SLAIN2: variants seen among roughly 807,000 people sequenced by gnomAD.
SLAIN2 encodes the protein SLAIN family member 2.
In SLAIN2, 31 loss-of-function variants were observed where a neutral mutation model predicts 56.6. The observed-to-expected ratio is 0.55, with a 90% CI of 0.41 to 0.74. SLAIN2 has a LOEUF of 0.74. SLAIN2 is among the 30% of genes least tolerant of loss of function. The pLI is 0.00. For missense variants in SLAIN2, 777 were observed against 754.2 expected, an observed-to-expected ratio of 1.03 and a Z score of -0.35; for synonymous variants, 317 against 284.9, an observed-to-expected ratio of 1.11 and a Z score of -1.13.
chr4:48,364,612 G>A (rs1577715453), intron 1 of SLAIN2, among the ~76,000 whole-genome samples: 2 of 107,284 alleles, frequency 1.9e-5, no homozygotes, highest in East Asian at 2.4e-4. Context: ...ACGAGACTCC[G>A]TCTGCAATCC....
At position 48,382,893 on chromosome 4, in the gene SLAIN2, C is replaced by G; in HGVS notation, c.1188C>G (p.Pro396=). Residue 396 remains proline (P), a synonymous_variant, in exon 5 of 8, where the codon CCC becomes CCG. Coordinates refer to ENST00000264313, the MANE Select transcript of SLAIN2 (RefSeq NM_020846.2). ...CTCGCCTTTCACTTCAAGGCCATCC[C>G]ACAGATTTACAGACAAGCAATGTTA... is the stretch of plus-strand genomic sequence containing the variant. The part of the protein sequence containing the change: ...QQPRLSLQGH[P]TDLQTSNVKN... 1 of 1,612,006 alleles carries G rather than the reference C, an allele frequency of 6.2e-7. No homozygotes were observed. The highest frequency in any genetic ancestry group is 8.5e-7 in the Non-Finnish European group (1 of 1,178,732).
intron 1 of SLAIN2, among the ~76,000 whole-genome samples, chr4:48,354,269 C>T (rs1015587653): frequency 7.9e-5 from 12 of 152,084 alleles, no homozygotes; most frequent in Non-Finnish European, 1.3e-4. Flanking sequence ...CTCATTTTTA[C>T]ACTCTGTGCA....
chr4:48,420,389 C>T lies in SLAIN2; in HGVS notation c.1625C>T (p.Pro542Leu), dbSNP rs761858774. 8.7e-6 allele frequency: 14 copies of T among 1,613,892 alleles called. No individual in the cohort carries two copies. The highest frequency in any genetic ancestry group is 8.5e-7 in the Non-Finnish European group (1 of 1,179,878). ...MRSGLPRPSA[P>L]SAGGIPVPRS... ...AGTGGCTTGCCCAGACCCAGTGCCC[C>T]TTCTGCTGGGGGCATACCAGTGCCT... Residue 542 changes from proline (P) to leucine (L), a missense_variant, in exon 7 of 8, where the codon CCT becomes CTT. Coordinates refer to ENST00000264313, the MANE Select transcript of SLAIN2 (RefSeq NM_020846.2).
chr4:48,367,720 A>T (rs1297153937), intron 1 of SLAIN2, among the ~76,000 whole-genome samples: 1 of 152,178 alleles, frequency 6.6e-6, no homozygotes, highest in African/African-American at 2.4e-5. Context: ...TGAAGATGCC[A>T]AAGCACTTTG....
chr4:48,396,338 C>T (rs1716386811), intron 6 of SLAIN2, among the ~76,000 whole-genome samples: 1 of 152,046 alleles, frequency 6.6e-6, no homozygotes, highest in African/African-American at 2.4e-5. Context: ...TAAATTGATC[C>T]AGACTTCTAT....
chr4:48,409,622 G>A (rs762722581), intron 6 of SLAIN2, among the ~76,000 whole-genome samples: 5 of 152,096 alleles, frequency 3.3e-5, no homozygotes, highest in African/African-American at 7.2e-5. Flanking sequence ...GGTGGCTCAC[G>A]CCTGTAATCC....
In SLAIN2 at chr4:48,374,440, A is replaced by G. The variant is rs534116577; in HGVS notation, c.539-3456A>G. Among the ~76,000 whole-genome samples the G allele has an allele frequency of 2.4e-3, 367 of 152,126 alleles. 2 individuals carry two copies. The highest frequency in any genetic ancestry group is 3.7e-3 in the Non-Finnish European group (250 of 67,990). ...TTTTTACTAGAGACGAGGTTTCACG[A>G]TGTTGGCCAGGCTGGTTTTGAACTC... On this transcript the variant is annotated intron_variant, in intron 2 of 7. Transcript: ENST00000264313.
intron 1 of SLAIN2, among the ~76,000 whole-genome samples, chr4:48,352,905 G>A (rs367784878): frequency 8.5e-5 from 13 of 152,094 alleles, no homozygotes; most frequent in African/African-American, 2.4e-4. Flanking sequence ...CTCATGGGGC[G>A]TTTTCCCCTA....
rs562517969 is a variant in SLAIN2, at chr4:48,424,817, A to G, written c.*2740A>G. 3 of 152,158 alleles carry G rather than the reference A, an allele frequency of 2.0e-5. No homozygotes were observed. The East Asian group carries it at 5.8e-4, about 29-fold the overall frequency. 9.4% of individuals were successfully genotyped at this position (152,158 alleles called of 1,614,324 possible). A position where few individuals can be genotyped will look rare whatever the true frequency, so the allele number is the denominator to read the frequency against. ...AAATTAGATACATATGTGGCCCCAG[A>G]TGTTTGTATAACTCTAGAATGATCT... On this transcript the variant is annotated 3_prime_UTR_variant, in exon 8 of 8. Transcript: ENST00000264313.
At chr4:48,356,231 C>T (rs1160738068) in intron 1 of SLAIN2, among the ~76,000 whole-genome samples, 1 of 152,112 alleles carries the variant, frequency 6.6e-6, no homozygotes, top group Non-Finnish European at 1.5e-5. Flanking sequence ...AAGCAAAGTA[C>T]TCTAAAATAA....
At chr4:48,414,135 TG>T (rs1426360605) in intron 6 of SLAIN2, among the ~76,000 whole-genome samples, 1 of 152,222 alleles carries the variant, frequency 6.6e-6, no homozygotes, top group East Asian at 1.9e-4. Flanking sequence ...TTCTAATTTT[TG>T]CTCAGAGCAG....
intron 6 of SLAIN2, among the ~76,000 whole-genome samples, chr4:48,402,272 C>T (rs1269086161): frequency 2.7e-5 from 4 of 150,586 alleles, no homozygotes; most frequent in African/African-American, 7.3e-5. Flanking sequence ...GGTCTTCTTG[C>T]GGAGTATCTT....
chr4:48,414,580 T>TA (rs1380507388), intron 6 of SLAIN2, among the ~76,000 whole-genome samples: 2 of 146,572 alleles, frequency 1.4e-5, no homozygotes, highest in Admixed American at 1.4e-4. Context: ...TATTATACTC[T>TA]AAGTTTTAGG....
rs1469206949 is a variant in SLAIN2, at chr4:48,369,907, G to C, written c.448G>C (p.Val150Leu). The change falls in exon 2 of 8, where the codon GTT becomes CTT. Residue 150 changes from valine to leucine, a missense_variant. Val to Leu is a conservative substitution (Grantham distance 32, BLOSUM62 1). Coordinates refer to ENST00000264313, the MANE Select transcript of SLAIN2 (RefSeq NM_020846.2). ...TPMQKSVSPLVWCRQVLDYPS... is the reference protein window; with the variant it reads ...TPMQKSVSPLLWCRQVLDYPS... ...AATGCAGAAATCGGTTAGTCCATTAGTTTGGTGCAGGCAAGTTTTGGATTA... is the reference window on the plus strand; with the variant it reads ...AATGCAGAAATCGGTTAGTCCATTACTTTGGTGCAGGCAAGTTTTGGATTA... 6.2e-7 allele frequency: 1 copy of C among 1,613,712 alleles called. No individual in the cohort carries two copies. Among genetic ancestry groups the C allele is most frequent in the East Asian group, 2.2e-5 (1 of 44,840 alleles).
chr4:48,418,449 A>C (rs1363880024), intron 6 of SLAIN2, among the ~76,000 whole-genome samples: 1 of 152,254 alleles, frequency 6.6e-6, no homozygotes. Flanking sequence ...ACTGTGGATT[A>C]CACTGATTGA....
intron 6 of SLAIN2, among the ~76,000 whole-genome samples, chr4:48,418,404 G>A (rs751975540): frequency 1.4e-4 from 22 of 151,828 alleles, no homozygotes; most frequent in East Asian, 1.2e-3. Context: ...TTTTGAGTCC[G>A]CTGTTACAAT....
chr4:48,397,406 A>G (rs543490918), intron 6 of SLAIN2, among the ~76,000 whole-genome samples: 4 of 152,150 alleles, frequency 2.6e-5, no homozygotes, highest in South Asian at 2.1e-4. Context: ...GAAGGAATTA[A>G]TGATGGTAAT....
chr4:48,390,311 T>G (rs1716207049), intron 6 of SLAIN2, among the ~76,000 whole-genome samples: 1 of 152,092 alleles, frequency 6.6e-6, no homozygotes, highest in African/African-American at 2.4e-5. Context: ...ACTCCTCATC[T>G]TAAGTGATCC....
chr4:48,401,500 TGTTGAATTAAAAAC>T (rs1208794451), intron 6 of SLAIN2, among the ~76,000 whole-genome samples: 2 of 152,236 alleles, frequency 1.3e-5, no homozygotes, highest in African/African-American at 4.8e-5. Context: ...TAGCTCTTCT[TGTTGAATTAAAAAC>T]CCTTTACCGT....
Sources: allele counts gnomAD v4.1 joint callset (sites outside exome capture counted in the v4.1 genomes callset), GRCh38; gene constraint gnomAD v4.1.1; transcripts MANE v1.5; gene names NCBI Gene and HGNC (gene_info 2026-07-23, HGNC 2026-07-21).